CARS1: variants seen among roughly 807,000 people sequenced by gnomAD.
CARS1 encodes cysteinyl-tRNA synthetase 1, also known as cysteine--tRNA ligase, cytoplasmic.
In CARS1, 48 loss-of-function variants were observed where a neutral mutation model predicts 106.2. The ratio of observed to expected loss-of-function variants is 0.45; its 90% CI spans 0.36 to 0.57. CARS1 has a LOEUF of 0.57. CARS1 is among the 20% of genes least tolerant of loss of function. The pLI, the probability that CARS1 is intolerant of heterozygous loss-of-function variation, is 0.00. For missense variants in CARS1, 968 were observed against 1,057.2 expected, an observed-to-expected ratio of 0.92 and a Z score of 1.17; for synonymous variants, 409 against 403.4, an observed-to-expected ratio of 1.01 and a Z score of -0.17.
Position 3,018,470 on chromosome 11 carries a change from C to T in CARS1, c.1567G>A (p.Asp523Asn), listed in dbSNP as rs1851257982. 5 of 1,614,174 alleles carry T rather than the reference C, an allele frequency of 3.1e-6. No homozygotes were observed. Among genetic ancestry groups the T allele is most frequent in the Non-Finnish European group, 4.2e-6 (5 of 1,180,022 alleles). ...RLAFLMHSWK[D>N]TLDYSSNTME... ...GTGTTGCTGGAGTAGTCCAGGGTGT[C>T]CTTCCACGAGTGCATGAGGAAGGCC... Residue 523 changes from aspartate (D) to asparagine (N), a missense_variant, in exon 14 of 23, where the codon GAC (aspartate) becomes AAC (asparagine). Physicochemically the swap from Asp to Asn is conservative, Grantham distance 23 (BLOSUM62 1). Transcript: ENST00000380525.
rs374059824 is a variant in CARS1, at chr11:3,047,237, A to C, written c.274+516T>G. 3.4e-4 allele frequency among the ~76,000 whole-genome samples: 51 copies of C among 148,328 alleles called. No homozygotes were observed. In the East Asian group the frequency reaches 9.8e-3, roughly 28 times the overall value. On this transcript the variant is annotated intron_variant, in intron 2 of 22. Transcript: ENST00000380525. ...GCTTGCAGTGAGTGGAGATCGCACC[A>C]CTGCACTCCAGCCTGGGCGATAGAG...
At position 3,001,029 on chromosome 11, in the gene CARS1, C is replaced by T; in HGVS notation, c.*85G>A. 9 of 1,485,458 alleles carry T rather than the reference C, an allele frequency of 6.1e-6. No homozygotes were observed. Among genetic ancestry groups the T allele is most frequent in the Non-Finnish European group, 8.4e-6 (9 of 1,075,552 alleles). 92.0% of individuals were successfully genotyped at this position (1,485,458 alleles called of 1,614,324 possible). A position where few individuals can be genotyped will look rare whatever the true frequency, so the allele number is the denominator to read the frequency against. ...TTTAGGACCCAAGGGTGACTGTAAA[C>T]ATGATAGGAGCGCTGGGACATTGTC... On this transcript the variant is annotated 3_prime_UTR_variant, in exon 23 of 23. Coordinates refer to ENST00000380525, the MANE Select transcript of CARS1 (RefSeq NM_001014437.3).
chr11:3,019,300 G>A lies in CARS1; in HGVS notation c.1267-33C>T. ...AAGCCGAACACACAGTGACTGACCA[G>A]CCTACCCGCTTGTCCAGGCCTTTAT... On this transcript the variant is annotated intron_variant, in intron 11 of 22. Coordinates refer to ENST00000380525, the MANE Select transcript of CARS1 (RefSeq NM_001014437.3). The surrounding 1 kb of genome is among the most constrained non-coding windows in gnomAD (Gnocchi z 6.2). 1 of 1,378,952 alleles carries A rather than the reference G, an allele frequency of 7.3e-7. No individual in the cohort carries two copies. The allele number at this position is 1,378,952 out of a possible 1,614,324, so 85.4% of individuals were successfully genotyped here.
chr11:3,055,053 G>A (rs985702602), intron 1 of CARS1: 2 of 684,038 alleles, frequency 2.9e-6, no homozygotes, highest in Non-Finnish European at 5.3e-6. Context: ...TACACCCAGT[G>A]AGATCAGGAA....
intron 18 of CARS1, chr11:3,007,221 C>A: frequency 1.9e-6 from 1 of 539,322 alleles, no homozygotes; most frequent in Non-Finnish European, 3.3e-6. Context: ...GGGTGCAGGG[C>A]AGAGCCAGGA....
chr11:3,029,661 G>A lies in CARS1; in HGVS notation c.802-218C>T. ...AATGGGCAGGTCTCACATGAACTCAGAGGAGCAAAGCCAAGGGGACTGTGG... is the reference window on the plus strand; with the variant it reads ...AATGGGCAGGTCTCACATGAACTCAAAGGAGCAAAGCCAAGGGGACTGTGG... On this transcript the variant is annotated intron_variant, in intron 7 of 22. Coordinates refer to ENST00000380525, the MANE Select transcript of CARS1 (RefSeq NM_001014437.3). This position sits in a 1 kb window ranked among gnomAD's most constrained non-coding sequence, Gnocchi z 5.9. The A allele has an allele frequency of 1.8e-6, 1 of 557,672 alleles. No homozygotes were observed. Among genetic ancestry groups the A allele is most frequent in the Non-Finnish European group, 3.1e-6 (1 of 317,532 alleles). 34.5% of individuals were successfully genotyped at this position (557,672 alleles called of 1,614,324 possible).
Position 3,022,326 on chromosome 11 carries a change from C to A in CARS1, c.1154-1994G>T, listed in dbSNP as rs1278081777. On this transcript the variant is annotated intron_variant, in intron 10 of 22. Coordinates refer to ENST00000380525, the MANE Select transcript of CARS1 (RefSeq NM_001014437.3). This position sits in a 1 kb window ranked among gnomAD's most constrained non-coding sequence, Gnocchi z 4.9. The stretch of plus-strand genomic sequence containing the variant: ...CCTGCACCAAGGAACTGACTCGTCG[C>A]AGAAATGTGGTTTACCTCCCTGTCC... Among the ~76,000 whole-genome samples the A allele has an allele frequency of 6.6e-6, 1 of 152,224 alleles. No individual in the cohort carries two copies. The highest frequency in any genetic ancestry group is 1.5e-5 in the Non-Finnish European group (1 of 68,036).
At position 3,030,873 on chromosome 11, in the gene CARS1, C is replaced by T. The variant is rs956487041; in HGVS notation, c.802-1430G>A. The T allele has an allele frequency of 6.6e-6, 1 of 152,184 alleles. No individual in the cohort carries two copies. Among genetic ancestry groups the T allele is most frequent in the Admixed American group, 6.5e-5 (1 of 15,282 alleles). 9.4% of individuals were successfully genotyped at this position (152,184 alleles called of 1,614,324 possible). The stretch of plus-strand genomic sequence containing the variant: ...TAACAGGCGAAACAGTCTTATCCAT[C>T]CTACTGAGTGACTGTTTCACTTCCT... On this transcript the variant is annotated intron_variant, in intron 7 of 22. Transcript: ENST00000380525. The surrounding 1 kb of genome is among the most constrained non-coding windows in gnomAD (Gnocchi z 5.7).
intron 19 of CARS1, among the ~76,000 whole-genome samples, chr11:3,005,711 C>T (rs1590317934): frequency 6.7e-6 from 1 of 149,336 alleles, no homozygotes; most frequent in Non-Finnish European, 1.5e-5. Context: ...CAGTTCACTG[C>T]AACCTTTGCC....
chr11:3,048,917 G>A lies in CARS1; in HGVS notation c.26-916C>T, dbSNP rs1484595429. Among the ~76,000 whole-genome samples the A allele has an allele frequency of 6.6e-6, 1 of 152,160 alleles. No homozygotes were observed. Among genetic ancestry groups the A allele is most frequent in the East Asian group, 1.9e-4 (1 of 5,186 alleles). ...TCCACCACTCAGGTGTGTCACTCAA[G>A]GACCCAAGAGCCACTGTTCCGCATG... is the stretch of plus-strand genomic sequence containing the variant. On this transcript the variant is annotated intron_variant, in intron 1 of 22. Coordinates refer to ENST00000380525, the MANE Select transcript of CARS1 (RefSeq NM_001014437.3). The surrounding 1 kb of genome is among the most constrained non-coding windows in gnomAD (Gnocchi z 5.1).
In CARS1 at chr11:3,029,838, A is replaced by G; in HGVS notation, c.802-395T>C. 1 of 195,354 alleles carries G rather than the reference A, an allele frequency of 5.1e-6. No homozygotes were observed. The allele number at this position is 195,354 out of a possible 1,614,324, so 12.1% of individuals were successfully genotyped here. The stretch of plus-strand genomic sequence containing the variant: ...ACAACCCCTTGGTGCATTCAGGAAA[A>G]GATTCATGACGGACACAGCCAGAGG... On this transcript the variant is annotated intron_variant, in intron 7 of 22. Coordinates refer to ENST00000380525, the MANE Select transcript of CARS1 (RefSeq NM_001014437.3). The surrounding 1 kb of genome is among the most constrained non-coding windows in gnomAD (Gnocchi z 5.9).
Position 3,029,040 on chromosome 11 carries a change from T to G in CARS1, c.987A>C (p.Pro329=). 6.2e-7 allele frequency: 1 copy of G among 1,614,050 alleles called. No homozygotes were observed. The highest frequency in any genetic ancestry group is 8.5e-7 in the Non-Finnish European group (1 of 1,179,920). Residue 329 remains proline, a synonymous_variant, in exon 9 of 23, where the codon CCA becomes CCC. Coordinates refer to ENST00000380525, the MANE Select transcript of CARS1 (RefSeq NM_001014437.3). The surrounding 1 kb of genome is among the most constrained non-coding windows in gnomAD (Gnocchi z 5.9). Reference sequence around the variant, plus strand: ...TCTTCTGGACAAAGTTCACAATTTCTGGCACATACTCACTAACCCGGGTTA... The same window carrying G: ...TCTTCTGGACAAAGTTCACAATTTCGGGCACATACTCACTAACCCGGGTTA... ...DVLTRVSEYV[P]EIVNFVQKIV...
rs562756292 is a variant in CARS1, at chr11:3,028,041, G to A, written c.1031+955C>T. ...CTAGTCCTCCTTCATGTTCCATCCT[G>A]TACACCTGGCTCTACCTTCTAGATA... On this transcript the variant is annotated intron_variant, in intron 9 of 22. Coordinates refer to ENST00000380525, the MANE Select transcript of CARS1 (RefSeq NM_001014437.3). This position sits in a 1 kb window ranked among gnomAD's most constrained non-coding sequence, Gnocchi z 4.4. 5 of 309,168 alleles carry A rather than the reference G, an allele frequency of 1.6e-5. No individual in the cohort carries two copies. Among genetic ancestry groups the A allele is most frequent in the South Asian group, 1.3e-4 (5 of 38,534 alleles). The allele number at this position is 309,168 out of a possible 1,614,324, so 19.2% of individuals were successfully genotyped here. A position where few individuals can be genotyped will look rare whatever the true frequency, so the allele number is the denominator to read the frequency against.
In CARS1 at chr11:3,053,173, C is replaced by T. The variant is rs1855865867; in HGVS notation, c.25+4170G>A. On this transcript the variant is annotated intron_variant, in intron 1 of 22. Coordinates refer to ENST00000380525, the MANE Select transcript of CARS1 (RefSeq NM_001014437.3). The surrounding 1 kb of genome is among the most constrained non-coding windows in gnomAD (Gnocchi z 6.6). ...TCAAACAACTGTGGCAGTGCGACCTCTCCCTCTCTCTGGCTCTTTCCTATC... is the reference window on the plus strand; with the variant it reads ...TCAAACAACTGTGGCAGTGCGACCTTTCCCTCTCTCTGGCTCTTTCCTATC... 6.6e-6 allele frequency among the ~76,000 whole-genome samples: 1 copy of T among 152,204 alleles called. No individual in the cohort carries two copies. Among genetic ancestry groups the T allele is most frequent in the Non-Finnish European group, 1.5e-5 (1 of 68,026 alleles).
intron 7 of CARS1, among the ~76,000 whole-genome samples, chr11:3,032,495 G>A (rs1399787807): frequency 6.6e-6 from 1 of 152,192 alleles, no homozygotes; most frequent in Non-Finnish European, 1.5e-5. Context: ...CTGGCAAACT[G>A]TGTTGGAAAT....
intron 22 of CARS1, among the ~76,000 whole-genome samples, 159 bp from the exon 23 acceptor site, chr11:3,001,407 C>T (rs1049496391): frequency 1.3e-5 from 2 of 152,180 alleles, no homozygotes; most frequent in Non-Finnish European, 2.9e-5. Context: ...AGCCAGCACA[C>T]TCATCTGGCA....
In CARS1 at chr11:3,039,806, TA is replaced by T; in HGVS notation, c.552+28del. The T allele has an allele frequency of 8.4e-7, 1 of 1,196,402 alleles. No homozygotes were observed. The highest frequency in any genetic ancestry group is 1.2e-6 in the Non-Finnish European group (1 of 832,274). 74.1% of individuals were successfully genotyped at this position (1,196,402 alleles called of 1,614,324 possible). ...TTCTTTTACACCATCCAATTGCATTTAAAATTTAATCTTACAAATTCCCTTT... is the reference window on the plus strand; with the variant it reads ...TTCTTTTACACCATCCAATTGCATTTAAATTTAATCTTACAAATTCCCTTT... On this transcript the variant is annotated intron_variant, in intron 5 of 22. Transcript: ENST00000380525. This position sits in a 1 kb window ranked among gnomAD's most constrained non-coding sequence, Gnocchi z 5.6.
At position 3,022,147 on chromosome 11, in the gene CARS1, TCTAA is replaced by T. The variant is rs1302135028; in HGVS notation, c.1154-1819_1154-1816del. On this transcript the variant is annotated intron_variant, in intron 10 of 22. Coordinates refer to ENST00000380525, the MANE Select transcript of CARS1 (RefSeq NM_001014437.3). The surrounding 1 kb of genome is among the most constrained non-coding windows in gnomAD (Gnocchi z 4.9). ...GCACGTCCATCCGCTTCCCTGCAGC[TCTAA>T]CTGAGAGTCACATAGCACGCTGACC... Among the ~76,000 whole-genome samples the T allele has an allele frequency of 4.6e-5, 7 of 152,190 alleles. No individual in the cohort carries two copies. Among genetic ancestry groups the T allele is most frequent in the East Asian group, 1.9e-4 (1 of 5,204 alleles).
intron 19 of CARS1, 43 bp downstream of exon 19, chr11:3,006,836 A>G (rs527929080): frequency 2.0e-5 from 30 of 1,504,878 alleles, no homozygotes; most frequent in Non-Finnish European, 2.6e-5. Flanking sequence ...ACACCTCTCC[A>G]AGCTCCTGGT....
Sources: gnomAD v4.1 joint callset for allele counts (sites outside exome capture counted in the v4.1 genomes callset) on GRCh38, gnomAD v4.1.1 for gene constraint, Gnocchi (gnomAD v3.1) non-coding constraint, MANE v1.5 for transcripts, NCBI Gene and HGNC (gene_info 2026-07-23, HGNC 2026-07-21) for gene names.